NAA30: variants seen among roughly 807,000 people sequenced by gnomAD.
NAA30 encodes the protein N-alpha-acetyltransferase 30.
In NAA30, 5 loss-of-function variants were observed where a neutral mutation model predicts 31.4. The ratio of observed to expected loss-of-function variants is 0.16; its 90% CI spans 0.08 to 0.33. NAA30 has a LOEUF of 0.33. Ranked by LOEUF, NAA30 falls within the 10% of genes least tolerant of loss-of-function variation. NAA30 has a pLI of 1.00. For missense variants in NAA30, 428 were observed against 490.8 expected, an observed-to-expected ratio of 0.87 and a Z score of 1.21; for synonymous variants, 222 against 207.1, an observed-to-expected ratio of 1.07 and a Z score of -0.62.
chr14:57,409,758 C>A lies in NAA30; in HGVS notation c.*242C>A. ...ACCAACAAGATGTGCCAGTTGATAG[C>A]CAAGATTTATGTGTTCATTTGCAAA... On this transcript the variant is annotated 3_prime_UTR_variant, in exon 5 of 5. Coordinates refer to ENST00000556492, the MANE Select transcript of NAA30 (RefSeq NM_001011713.3). 2.8e-6 allele frequency: 1 copy of A among 358,908 alleles called. No homozygotes were observed. Among genetic ancestry groups the A allele is most frequent in the Non-Finnish European group, 5.0e-6 (1 of 201,918 alleles). The allele number at this position is 358,908 out of a possible 1,614,324, so 22.2% of individuals were successfully genotyped here.
intron 2 of NAA30, 101 bp from the exon 3 acceptor site, chr14:57,396,651 C>A: frequency 8.1e-7 from 1 of 1,228,110 alleles, no homozygotes; most frequent in South Asian, 1.4e-5. Flanking sequence ...TTATCTTCCC[C>A]CGTCGAAAAT....
chr14:57,406,827 T>A (rs1776826216), intron 4 of NAA30, among the ~76,000 whole-genome samples: 1 of 152,188 alleles, frequency 6.6e-6, no homozygotes, highest in Admixed American at 6.5e-5. Context: ...CAGACTGTGG[T>A]GTTACAGACT....
Position 57,391,006 on chromosome 14 carries a change from C to T in NAA30, c.49C>T (p.Pro17Ser), listed in dbSNP as rs1173685970. The change falls in exon 2 of 5, where the codon CCT (proline) becomes TCT (serine). Residue 17 changes from proline to serine, a missense_variant. Coordinates refer to ENST00000556492, the MANE Select transcript of NAA30 (RefSeq NM_001011713.3). The surrounding 1 kb of genome is among the most constrained non-coding windows in gnomAD (Gnocchi z 4.1). ...TAGCAGCCTCCTCCCACCACCAGCA[C>T]CTCCGGCCCCGGCGGCGGTCGAGCC... Reference protein sequence around the residue: ...GPSSLLPPPAPPAPAAVEPRC... With the variant: ...GPSSLLPPPASPAPAAVEPRC... 2.7e-6 allele frequency: 4 copies of T among 1,498,548 alleles called. No homozygotes were observed. Among genetic ancestry groups the T allele is most frequent in the East Asian group, 2.5e-5 (1 of 40,652 alleles). 92.8% of individuals were successfully genotyped at this position (1,498,548 alleles called of 1,614,324 possible).
rs566443933 is a variant in NAA30 at position 57,411,431 on chromosome 14, A to G, written c.*1915A>G. 1 of 152,222 alleles carries G rather than the reference A, an allele frequency of 6.6e-6. No individual in the cohort carries two copies. Among genetic ancestry groups the G allele is most frequent in the South Asian group, 2.1e-4 (1 of 4,824 alleles). The allele number at this position is 152,222 out of a possible 1,614,324, so 9.4% of individuals were successfully genotyped here. A position where few individuals can be genotyped will look rare whatever the true frequency, so the allele number is the denominator to read the frequency against. ...TGGAACTAAAACATTTATGTCATCA[A>G]ATTTTATTTCACTTCTTTATATTTG... is the stretch of plus-strand genomic sequence containing the variant. On this transcript the variant is annotated 3_prime_UTR_variant, in exon 5 of 5. Coordinates refer to ENST00000556492, the MANE Select transcript of NAA30 (RefSeq NM_001011713.3).
rs2066535478 is a variant in NAA30, at chr14:57,413,912, G to A, written c.*4396G>A. The stretch of plus-strand genomic sequence containing the variant: ...TCACACTTTATATAAGGATAGATGT[G>A]TCCTTTTCACTCCCCAGTATGGTAG... On this transcript the variant is annotated 3_prime_UTR_variant, in exon 5 of 5. Coordinates refer to ENST00000556492, the MANE Select transcript of NAA30 (RefSeq NM_001011713.3). 6.6e-6 allele frequency: 1 copy of A among 152,200 alleles called. No individual in the cohort carries two copies. The highest frequency in any genetic ancestry group is 2.1e-4 in the South Asian group (1 of 4,832). The allele number at this position is 152,200 out of a possible 1,614,324, so 9.4% of individuals were successfully genotyped here.
In NAA30 at chr14:57,393,114, C is replaced by T. The variant is rs191847323; in HGVS notation, c.771+1386C>T. Reference sequence around the variant, plus strand: ...GTAGATTTAGTTGTAAGTTAACCCACAGAAGTAGATGATTGAGTCACATTT... The same window carrying T: ...GTAGATTTAGTTGTAAGTTAACCCATAGAAGTAGATGATTGAGTCACATTT... On this transcript the variant is annotated intron_variant, in intron 2 of 4. Transcript: ENST00000556492. 3.5e-3 allele frequency among the ~76,000 whole-genome samples: 526 copies of T among 152,254 alleles called. 3 individuals carry two copies. Among genetic ancestry groups the T allele is most frequent in the African/African-American group, 0.012 (504 of 41,554 alleles).
At chr14:57,392,051 AAC>A (rs1243713620) in intron 2 of NAA30, among the ~76,000 whole-genome samples, 1 of 152,162 alleles carries the variant, frequency 6.6e-6, no homozygotes, top group Admixed American at 6.5e-5. Flanking sequence ...CGCATCCTCA[AAC>A]ACTTTACAGT....
intron 4 of NAA30, among the ~76,000 whole-genome samples, chr14:57,402,104 A>C (rs1162002920): frequency 6.6e-6 from 1 of 152,218 alleles, no homozygotes; most frequent in African/African-American, 2.4e-5. Flanking sequence ...ATTCAGATCG[A>C]ATAATTTGCC....
intron 2 of NAA30, among the ~76,000 whole-genome samples, chr14:57,393,008 T>G (rs2066436495): frequency 6.6e-6 from 1 of 152,234 alleles, no homozygotes; most frequent in Non-Finnish European, 1.5e-5. Flanking sequence ...CTAAGACATG[T>G]CTGTGTCAAT....
At chr14:57,408,875 T>G (rs1037220452) in intron 4 of NAA30, among the ~76,000 whole-genome samples, 12 of 152,328 alleles carry the variant, frequency 7.9e-5, no homozygotes, top group East Asian at 1.9e-4. Flanking sequence ...CAGGCACATT[T>G]GGCCCAAAGT....
chr14:57,408,326 G>A (rs76014469), intron 4 of NAA30, among the ~76,000 whole-genome samples: 2,949 of 152,280 alleles, frequency 0.019, 80 homozygotes, highest in African/African-American at 0.059. Context: ...ATAGAGCTAC[G>A]TGTGTAAAAG....
At chr14:57,399,645 T>G (rs2066465758) in intron 3 of NAA30, among the ~76,000 whole-genome samples, 183 bp from the exon 4 acceptor site, 1 of 152,242 alleles carries the variant, frequency 6.6e-6, no homozygotes, top group Non-Finnish European at 1.5e-5. Context: ...CTGTTATGTA[T>G]AGGTTCTGTT....
intron 1 of NAA30, 103 bp downstream of exon 1, chr14:57,390,808 G>A: frequency 1.4e-6 from 1 of 717,746 alleles, no homozygotes. Flanking sequence ...AAGAGCGGGG[G>A]GGTGGCGGGG....
At chr14:57,400,662 T>A (rs905315391) in intron 4 of NAA30, among the ~76,000 whole-genome samples, 3 of 152,174 alleles carry the variant, frequency 2.0e-5, no homozygotes, top group African/African-American at 4.8e-5. Flanking sequence ...ATATGTGAAA[T>A]TGGGTAAGTT....
rs1222461808 is a variant in NAA30 at position 57,410,757 on chromosome 14, AT to A, written c.*1243del. ...GGTTTTCTTAACAGCCACCATGTTT[AT>A]TAGTTACATTGTGTTTTGGCCAATC... On this transcript the variant is annotated 3_prime_UTR_variant, in exon 5 of 5. Transcript: ENST00000556492. The A allele has an allele frequency of 6.6e-6, 1 of 152,464 alleles. No individual in the cohort carries two copies. The highest frequency in any genetic ancestry group is 1.9e-4 in the East Asian group (1 of 5,194). 9.4% of individuals were successfully genotyped at this position (152,464 alleles called of 1,614,324 possible).
At chr14:57,397,460 G>A (rs1397320786) in intron 3 of NAA30, among the ~76,000 whole-genome samples, 1 of 152,186 alleles carries the variant, frequency 6.6e-6, no homozygotes, top group Non-Finnish European at 1.5e-5. Context: ...TTAGAATCAT[G>A]TGGGTGGTTT....
rs748909868 is a variant in NAA30 at position 57,409,556 on chromosome 14, C to T, written c.*40C>T. 5.1e-6 allele frequency: 8 copies of T among 1,554,066 alleles called. No homozygotes were observed. The highest frequency in any genetic ancestry group is 2.3e-5 in the East Asian group (1 of 43,044). ...GGAACAACTATCATCCGCACAGAAT[C>T]GACCTTTGCATGCAATGCAATTTGT... On this transcript the variant is annotated 3_prime_UTR_variant, in exon 5 of 5. Transcript: ENST00000556492.
intron 3 of NAA30, among the ~76,000 whole-genome samples, chr14:57,399,229 T>C (rs1307076491): frequency 6.6e-6 from 1 of 152,234 alleles, no homozygotes; most frequent in African/African-American, 2.4e-5. Context: ...TTTTCCCTTT[T>C]AATATACCAA....
At chr14:57,394,577 G>C (rs2066443013) in intron 2 of NAA30, among the ~76,000 whole-genome samples, 1 of 152,032 alleles carries the variant, frequency 6.6e-6, no homozygotes, top group South Asian at 2.1e-4. Flanking sequence ...TGCAGCATTG[G>C]TCTTCACTAC....
Sources: gnomAD v4.1 joint callset for allele counts (sites outside exome capture counted in the v4.1 genomes callset) on GRCh38, gnomAD v4.1.1 for gene constraint, Gnocchi (gnomAD v3.1) non-coding constraint, MANE v1.5 for transcripts, NCBI Gene and HGNC (gene_info 2026-07-23, HGNC 2026-07-21) for gene names.